The following ADAMTS6 variants were observed in gnomAD, a reference collection of about 807,000 sequenced individuals.
ADAMTS6 encodes the protein A disintegrin and metalloproteinase with thrombospondin motifs 6.
A neutral mutation model predicts 144.3 loss-of-function variants in ADAMTS6; 23 were observed. That is an observed-to-expected ratio of 0.16 (90% confidence interval 0.11 to 0.23). The LOEUF (loss-of-function observed/expected upper bound fraction) is 0.23. Ranked by LOEUF, ADAMTS6 falls within the 10% of genes least tolerant of loss-of-function variation. The pLI is 1.00. For missense variants in ADAMTS6, 999 were observed against 1,379.6 expected, an observed-to-expected ratio of 0.72 and a Z score of 4.37; for synonymous variants, 444 against 457.5, an observed-to-expected ratio of 0.97 and a Z score of 0.38.
At chr5:65,281,413 A>G (rs1762979399) in intron 11 of ADAMTS6, among the ~76,000 whole-genome samples, 1 of 152,182 alleles carries the variant, frequency 6.6e-6, no homozygotes, top group African/African-American at 2.4e-5. Context: ...TCTCCAAATT[A>G]TAACTATTAT....
At chr5:65,154,808 A>T (rs889267120) in intron 24 of ADAMTS6, among the ~76,000 whole-genome samples, 30 of 152,250 alleles carry the variant, frequency 2.0e-4, no homozygotes, top group African/African-American at 7.2e-4. Context: ...TCTGAGAACA[A>T]CTATCATGTA....
At chr5:65,370,460 TG>T (rs939120224) in intron 7 of ADAMTS6, among the ~76,000 whole-genome samples, 1 of 152,174 alleles carries the variant, frequency 6.6e-6, no homozygotes, top group Non-Finnish European at 1.5e-5. Context: ...TTGCCTCACC[TG>T]GGAAGCGCAA....
intron 4 of ADAMTS6, among the ~76,000 whole-genome samples, chr5:65,457,729 GTTTT>G (rs975056636): frequency 7.0e-6 from 1 of 141,996 alleles, no homozygotes; most frequent in Non-Finnish European, 1.5e-5. Context: ...TTGAATCCTA[GTTTT>G]TTTCTTTCTT....
chr5:65,225,771 TTC>T (rs750174306), intron 16 of ADAMTS6, among the ~76,000 whole-genome samples: 12 of 152,208 alleles, frequency 7.9e-5, no homozygotes, highest in Non-Finnish European at 1.8e-4. Flanking sequence ...TGAATCCTCA[TTC>T]TCTCTCTTTT....
intron 7 of ADAMTS6, among the ~76,000 whole-genome samples, chr5:65,369,869 C>T (rs185383312): frequency 6.6e-6 from 1 of 152,094 alleles, no homozygotes; most frequent in Non-Finnish European, 1.5e-5. Flanking sequence ...TAAAAATCAT[C>T]TGAAGCAACA....
chr5:65,361,943 C>T (rs912128269), intron 7 of ADAMTS6, among the ~76,000 whole-genome samples: 2 of 152,122 alleles, frequency 1.3e-5, no homozygotes, highest in African/African-American at 4.8e-5. Context: ...CCACATTGCC[C>T]AGGCTGGTCT....
At chr5:65,393,336 C>A (rs1753079031) in intron 7 of ADAMTS6, among the ~76,000 whole-genome samples, 2 of 152,154 alleles carry the variant, frequency 1.3e-5, no homozygotes, top group Admixed American at 6.6e-5. Flanking sequence ...TTAACATAAT[C>A]CTTCCATGAA....
intron 7 of ADAMTS6, among the ~76,000 whole-genome samples, chr5:65,349,811 TGC>T: frequency 6.7e-6 from 1 of 150,108 alleles, no homozygotes; most frequent in African/African-American, 2.5e-5. Flanking sequence ...GCCGAGATCG[TGC>T]CACTACACTC....
intron 7 of ADAMTS6, among the ~76,000 whole-genome samples, chr5:65,440,348 A>G (rs1262671302): frequency 6.6e-6 from 1 of 152,228 alleles, no homozygotes; most frequent in Non-Finnish European, 1.5e-5. Flanking sequence ...AGCAAAGGAC[A>G]GTGATCCCTG....
intron 9 of ADAMTS6, among the ~76,000 whole-genome samples, chr5:65,317,624 C>A (rs1478551784): frequency 6.6e-6 from 1 of 152,026 alleles, no homozygotes; most frequent in Non-Finnish European, 1.5e-5. Context: ...AAGAGACAAC[C>A]CACAGAACGG....
intron 21 of ADAMTS6, among the ~76,000 whole-genome samples, chr5:65,196,093 T>C (rs1368769184): frequency 2.0e-5 from 3 of 152,210 alleles, no homozygotes; most frequent in Non-Finnish European, 2.9e-5. Flanking sequence ...TATTGCTGCA[T>C]TAATCAACAG....
At chr5:65,386,447 T>C (rs1455443655) in intron 7 of ADAMTS6, among the ~76,000 whole-genome samples, 1 of 152,222 alleles carries the variant, frequency 6.6e-6, no homozygotes, top group Admixed American at 6.5e-5. Context: ...ACCTGATAGA[T>C]CAAAGGTAAG....
chr5:65,355,255 G>T (rs140615074), intron 7 of ADAMTS6, among the ~76,000 whole-genome samples: 5 of 151,858 alleles, frequency 3.3e-5, no homozygotes, highest in African/African-American at 1.2e-4. Context: ...AACTGTACAA[G>T]GACGAGTTTT....
intron 15 of ADAMTS6, among the ~76,000 whole-genome samples, chr5:65,226,508 C>T (rs1417623459): frequency 6.6e-6 from 1 of 151,356 alleles, no homozygotes. Context: ...TTTCTATATT[C>T]CATTATATAT....
At chr5:65,345,769 C>A (rs1029584716) in intron 7 of ADAMTS6, among the ~76,000 whole-genome samples, 1 of 151,804 alleles carries the variant, frequency 6.6e-6, no homozygotes, top group Admixed American at 6.6e-5. Flanking sequence ...AATGAAAAAT[C>A]TTTCTCAGTG....
chr5:65,332,287 G>GTA (rs367547551), intron 8 of ADAMTS6, among the ~76,000 whole-genome samples: 14,920 of 117,010 alleles, frequency 0.13, 829 homozygotes, highest in East Asian at 0.15. Context: ...GACAGTGAGG[G>GTA]TATATATATA....
At chr5:65,160,119 A>C (rs1253641980) in intron 24 of ADAMTS6, among the ~76,000 whole-genome samples, 4 of 152,174 alleles carry the variant, frequency 2.6e-5, no homozygotes, top group Non-Finnish European at 5.9e-5. Context: ...ATAGAGATTC[A>C]ACTGAAAGAC....
intron 23 of ADAMTS6, among the ~76,000 whole-genome samples, chr5:65,171,255 C>T (rs1297477744): frequency 2.0e-5 from 3 of 151,878 alleles, no homozygotes; most frequent in South Asian, 4.2e-4. Flanking sequence ...GTGATCTGCC[C>T]GCCTCAGCCT....
intron 7 of ADAMTS6, chr5:65,415,540 TG>T: frequency 3.0e-6 from 1 of 333,770 alleles, no homozygotes; most frequent in Non-Finnish European, 6.0e-6. Context: ...GTCACCAATC[TG>T]GGCCAGCTAG....
Sources: gnomAD v4.1 joint callset for allele counts (sites outside exome capture counted in the v4.1 genomes callset) on GRCh38, gnomAD v4.1.1 for gene constraint, MANE v1.5 for transcripts, NCBI Gene and HGNC (gene_info 2026-07-23, HGNC 2026-07-21) for gene names.